Variants in ALG13 observed in about 807,000 individuals in gnomAD.
ALG13 encodes the protein UDP-N-acetylglucosamine transferase subunit ALG13.
A neutral mutation model predicts 87.8 loss-of-function variants in ALG13; 11 were observed. The observed-to-expected ratio is 0.13, with a 90% CI of 0.08 to 0.21. The LOEUF is 0.21. ALG13 is among the 10% of genes least tolerant of loss of function. The pLI, the probability that ALG13 is intolerant of heterozygous loss-of-function variation, is 1.00. For synonymous variants in ALG13, 320 were observed against 306.3 expected (o/e 1.04, Z -0.47); for missense variants, 756 against 866.1 (o/e 0.87, Z 1.60).
intron 24 of ALG13, among the ~76,000 whole-genome samples, chrX:111,749,169 C>T (rs1944499503): frequency 9.0e-6 from 1 of 111,620 alleles, no homozygotes; most frequent in South Asian, 3.7e-4. Context: ...CCTATGTTTT[C>T]CTTTAAAAGC....
Position 111,759,834 on chromosome X carries a change from C to G in ALG13, c.3249C>G (p.Asp1083Glu). 1 of 1,211,096 alleles carries G rather than the reference C, an allele frequency of 8.3e-7. No homozygotes were observed. Among genetic ancestry groups the G allele is most frequent in the Non-Finnish European group, 1.1e-6 (1 of 895,277 alleles). ...GGCAGCCACCTTTGCCAGGTTTTGA[C>G]TCCTGCCTTCCGGTTGTGCCAGATT... ...PYGQPPLPGF[D>E]SCLPVVPDYS... is the part of the protein sequence containing the mutation. Residue 1083 changes from aspartate (D) to glutamate (E), a missense_variant, in exon 27 of 27, where the codon GAC becomes GAG. This residue lies in a region of ALG13 where 110 missense variants were observed against 104.9 expected (regional missense o/e 1.05). Coordinates refer to ENST00000394780, the MANE Select transcript of ALG13 (RefSeq NM_001099922.3).
intron 3 of ALG13, among the ~76,000 whole-genome samples, chrX:111,693,140 CTATT>C (rs1432299106): frequency 8.0e-5 from 7 of 87,584 alleles, no homozygotes; most frequent in Non-Finnish European, 1.1e-4. Flanking sequence ...CGTGAATGCT[CTATT>C]TATTATACAG....
At chrX:111,738,896 A>G (rs1334329514) in intron 23 of ALG13, among the ~76,000 whole-genome samples, 8 of 111,503 alleles carry the variant, frequency 7.2e-5, no homozygotes, top group Non-Finnish European at 1.1e-4. Context: ...GAAAAAAAAA[A>G]ATGAAGATAA....
intron 1 of ALG13, chrX:111,681,743 C>T (rs1468431162): frequency 1.2e-6 from 1 of 830,977 alleles, no homozygotes; most frequent in Admixed American, 6.9e-5. Context: ...GCTCCTTCCC[C>T]TCAGCACTTG....
At chrX:111,720,406 T>G (rs1941251832) in intron 11 of ALG13, among the ~76,000 whole-genome samples, 1 of 112,287 alleles carries the variant, frequency 8.9e-6, no homozygotes, top group Non-Finnish European at 1.9e-5. Context: ...TTCAGAAATT[T>G]CAAGAGCAAT....
intron 26 of ALG13, among the ~76,000 whole-genome samples, chrX:111,758,290 GTAC>G (rs975944835): frequency 8.9e-6 from 1 of 111,925 alleles, no homozygotes; most frequent in Non-Finnish European, 1.9e-5. Flanking sequence ...GTTATGAGTT[GTAC>G]TTGCTGACTT....
intron 21 of ALG13, among the ~76,000 whole-genome samples, chrX:111,734,084 A>G (rs1216560738): frequency 9.0e-6 from 1 of 110,983 alleles, no homozygotes; most frequent in Non-Finnish European, 1.9e-5. Context: ...GATTGTGAAG[A>G]TTTTCTCCCA....
At chrX:111,700,951 T>G (rs1299232066) in intron 3 of ALG13, among the ~76,000 whole-genome samples, 1 of 110,174 alleles carries the variant, frequency 9.1e-6, no homozygotes, top group Non-Finnish European at 1.9e-5. Flanking sequence ...TGTCAGATGC[T>G]TTCTCTGCAT....
chrX:111,754,154 C>G (rs1486803157), intron 25 of ALG13, among the ~76,000 whole-genome samples: 1 of 111,811 alleles, frequency 8.9e-6, no homozygotes, highest in African/African-American at 3.3e-5. Context: ...ATCACATAAA[C>G]AGAACCAATG....
intron 24 of ALG13, among the ~76,000 whole-genome samples, chrX:111,750,183 A>C (rs1944589594): frequency 9.0e-6 from 1 of 110,941 alleles, no homozygotes; most frequent in African/African-American, 3.3e-5. Flanking sequence ...ACTTCCATCT[A>C]AGTTCTACTA....
chrX:111,703,152 T>C lies in ALG13; in HGVS notation c.384-4875T>C, dbSNP rs28785877. ...GCCCTTTCAGTCTCAATATGGATAC[T>C]CATGTTCTACAGTGCTAGAATTTTT... On this transcript the variant is annotated intron_variant, in intron 3 of 26. Coordinates refer to ENST00000394780, the MANE Select transcript of ALG13 (RefSeq NM_001099922.3). 9.0e-3 allele frequency among the ~76,000 whole-genome samples: 996 copies of C among 110,441 alleles called. 17 individuals carry two copies. The highest frequency in any genetic ancestry group is 0.03 in the African/African-American group (920 of 30,319).
intron 23 of ALG13, among the ~76,000 whole-genome samples, chrX:111,739,885 T>C (rs1181971267): frequency 1.8e-5 from 2 of 112,158 alleles, no homozygotes; most frequent in African/African-American, 6.5e-5. Flanking sequence ...AGCAGAGATA[T>C]AGAATATTTC....
rs2148514625 is a variant in ALG13, at chrX:111,757,731, A to T, written c.3117A>T (p.Glu1039Asp). Residue 1039 changes from glutamate to aspartate, a missense_variant, in exon 26 of 27, where the codon GAA (glutamate) becomes GAT (aspartate). By Grantham distance (45) the Glu-to-Asp change is conservative. Transcript: ENST00000394780. ...AATGCTACAGTGAGGTGAGGAGAGA[A>T]GATGGCATACAGGCGGAAGCATCAG... Reference protein sequence around the residue: ...VPQCYSEVRREDGIQAEASAN... With the variant: ...VPQCYSEVRRDDGIQAEASAN... 1.9e-5 allele frequency: 23 copies of T among 1,210,006 alleles called. No homozygotes were observed. The highest frequency in any genetic ancestry group is 2.5e-5 in the Non-Finnish European group (22 of 894,790).
intron 3 of ALG13, among the ~76,000 whole-genome samples, chrX:111,697,139 A>G (rs1937087870): frequency 9.0e-6 from 1 of 111,241 alleles, no homozygotes. Flanking sequence ...TTTAAGTCAC[A>G]AAAATTTCTA....
intron 25 of ALG13, 95 bp from the exon 26 acceptor site, chrX:111,757,493 A>T (rs868183013): frequency 6.8e-5 from 37 of 541,713 alleles, no homozygotes; most frequent in East Asian, 4.5e-4. Context: ...CCCAATTCTT[A>T]TTTTTTTTTT....
chrX:111,704,558 GCTAAGTAA>G (rs2147956037), intron 3 of ALG13, among the ~76,000 whole-genome samples: 1 of 111,856 alleles, frequency 8.9e-6, no homozygotes, highest in African/African-American at 3.2e-5. Context: ...AAAACCTTAT[GCTAAGTAA>G]AAGAAGCGAG....
intron 3 of ALG13, among the ~76,000 whole-genome samples, chrX:111,698,682 A>G (rs113858266): frequency 0.023 from 2,552 of 111,943 alleles, 70 homozygotes; most frequent in African/African-American, 0.079. Flanking sequence ...GTTGTCACAA[A>G]TGACAGAATT....
At chrX:111,759,624 CTTATAG>C in intron 26 of ALG13, 104 bp from the exon 27 acceptor site, 3 of 610,230 alleles carry the variant, frequency 4.9e-6, no homozygotes, top group Non-Finnish European at 7.3e-6. Context: ...TGTGATCTTT[CTTATAG>C]TTAGTTTTAT....
At chrX:111,711,532 C>A (rs1390294942) in intron 5 of ALG13, 143 bp from the exon 6 acceptor site, 1 of 465,634 alleles carries the variant, frequency 2.1e-6, no homozygotes, top group East Asian at 4.0e-5. Context: ...ATGTGCAAAT[C>A]TTCTTGAGGT....
Sources: gnomAD v4.1 joint callset for allele counts (sites outside exome capture counted in the v4.1 genomes callset) on GRCh38, gnomAD v4.1.1 for gene constraint, gnomAD v4.1.1 regional missense constraint, MANE v1.5 for transcripts, NCBI Gene and HGNC (gene_info 2026-07-23, HGNC 2026-07-21) for gene names.